Variants in ADGRV1 observed in about 807,000 individuals in gnomAD.
ADGRV1 encodes G-protein coupled receptor 98.
In ADGRV1, 359 loss-of-function variants were observed where a neutral mutation model predicts 596.2. That is an observed-to-expected ratio of 0.60 (90% CI 0.55 to 0.66). The LOEUF (loss-of-function observed/expected upper bound fraction) is 0.66, where lower values mean the gene tolerates loss of function less well. Among genes scored for constraint, ADGRV1 ranks in the 30% least tolerant of loss-of-function variants. ADGRV1 has a pLI of 0.00. For missense variants in ADGRV1, 7,274 were observed against 7,575.6 expected, an observed-to-expected ratio of 0.96 and a Z score of 1.48; for synonymous variants, 2,681 against 2,679.2, an observed-to-expected ratio of 1.00 and a Z score of -0.02.
At chr5:90,792,013 C>T (rs1244800672) in intron 70 of ADGRV1, 2 of 152,092 alleles carry the variant, frequency 1.3e-5, no homozygotes, top group Non-Finnish European at 2.9e-5. Context: ...TCATATCATC[C>T]TCTGTGCATG....
chr5:90,911,618 A>G (rs1772896547), intron 83 of ADGRV1, among the ~76,000 whole-genome samples: 1 of 152,180 alleles, frequency 6.6e-6, no homozygotes, highest in African/African-American at 2.4e-5. Flanking sequence ...ACAAAAGTTG[A>G]CCTTGAAACT....
chr5:91,125,695 G>A (rs935774085), intron 87 of ADGRV1, among the ~76,000 whole-genome samples: 4 of 152,202 alleles, frequency 2.6e-5, no homozygotes, highest in African/African-American at 9.6e-5. Flanking sequence ...AGGAATAAAG[G>A]AGAAGAGTTG....
chr5:90,573,185 A>C (rs1435599018), intron 1 of ADGRV1, among the ~76,000 whole-genome samples: 1 of 152,202 alleles, frequency 6.6e-6, no homozygotes, highest in African/African-American at 2.4e-5. Flanking sequence ...ATTGGTTGGC[A>C]TAATGATTGA....
chr5:90,959,426 T>C (rs1341774103), intron 83 of ADGRV1, among the ~76,000 whole-genome samples: 1 of 152,118 alleles, frequency 6.6e-6, no homozygotes, highest in Non-Finnish European at 1.5e-5. Flanking sequence ...TCTCCCCAGA[T>C]TGAAATTCAG....
At chr5:91,128,644 A>C (rs1273159541) in intron 87 of ADGRV1, among the ~76,000 whole-genome samples, 1 of 152,092 alleles carries the variant, frequency 6.6e-6, no homozygotes, top group Non-Finnish European at 1.5e-5. Context: ...CTCTACCACC[A>C]CCATCCCCAT....
At chr5:90,724,366 AT>A (rs1751485279) in intron 45 of ADGRV1, among the ~76,000 whole-genome samples, 1 of 152,066 alleles carries the variant, frequency 6.6e-6, no homozygotes, top group Admixed American at 6.6e-5. Flanking sequence ...AGTAGCTGGT[AT>A]TACAGGCGCA....
intron 59 of ADGRV1, among the ~76,000 whole-genome samples, chr5:90,767,457 G>T (rs1757261747): frequency 6.6e-6 from 1 of 152,042 alleles, no homozygotes; most frequent in Non-Finnish European, 1.5e-5. Context: ...TATTAAAAGA[G>T]AAAATATTGA....
rs879632598 is a variant in ADGRV1, at chr5:90,818,678, G to T, written c.16196+2942G>T. Reference sequence around the variant, plus strand: ...TCTGCATCTATTGAGATAATCATGTGGTTTTTGTCTTTGGCTCTGTTTATA... The same window carrying T: ...TCTGCATCTATTGAGATAATCATGTTGTTTTTGTCTTTGGCTCTGTTTATA... On this transcript the variant is annotated intron_variant, in intron 75 of 89. Transcript: ENST00000405460. Among the ~76,000 whole-genome samples, 381 of 149,304 alleles carry T rather than the reference G, an allele frequency of 2.6e-3. 2 individuals carry two copies. Among genetic ancestry groups the T allele is most frequent in the Admixed American group, 7.5e-3 (112 of 14,984 alleles).
rs374845054 is a variant in ADGRV1 at position 90,829,146 on chromosome 5, C to G, written c.16571C>G (p.Ser5524Cys). 6.3e-7 allele frequency: 1 copy of G among 1,599,326 alleles called. No homozygotes were observed. The highest frequency in any genetic ancestry group is 8.5e-7 in the Non-Finnish European group (1 of 1,170,414). ...ATCAGTCTGCAGGTGGCCAGAGATT[C>G]TGGGACAGGACTAATGATGTCTGTT... ...TLISLQVARD[S>C]GTGLMMSVNF... Residue 5524 changes from serine to cysteine, a missense_variant, in exon 77 of 90, where the codon TCT becomes TGT. Around this residue, in one of 5 missense-constraint regions of ADGRV1, gnomAD observed 1,874 missense variants for 1,970.2 expected, o/e 0.95. Coordinates refer to ENST00000405460, the MANE Select transcript of ADGRV1 (RefSeq NM_032119.4).
chr5:90,595,359 C>T (rs1760223538), intron 1 of ADGRV1, among the ~76,000 whole-genome samples: 1 of 58,948 alleles, frequency 1.7e-5, no homozygotes, highest in Non-Finnish European at 3.5e-5. Context: ...CACCTCCCTC[C>T]CGGACGGGGC....
At chr5:90,801,107 A>G (rs1467705854) in intron 70 of ADGRV1, among the ~76,000 whole-genome samples, 1 of 152,208 alleles carries the variant, frequency 6.6e-6, no homozygotes, top group Non-Finnish European at 1.5e-5. Context: ...GGCAGTATAG[A>G]AAATGGTATT....
chr5:90,634,181 C>T (rs1332247026), intron 9 of ADGRV1, among the ~76,000 whole-genome samples: 2 of 152,116 alleles, frequency 1.3e-5, no homozygotes, highest in Non-Finnish European at 2.9e-5. Context: ...ACACTGTGTG[C>T]ATTGATTGAG....
At chr5:91,062,780 T>C (rs1787555636) in intron 85 of ADGRV1, among the ~76,000 whole-genome samples, 1 of 152,088 alleles carries the variant, frequency 6.6e-6, no homozygotes, top group African/African-American at 2.4e-5. Context: ...TGTTTTTCTT[T>C]CTTGCTGGTT....
At chr5:91,039,719 G>A (rs6888979) in intron 85 of ADGRV1, among the ~76,000 whole-genome samples, 38,681 of 151,954 alleles carry the variant, frequency 0.25, 5,204 homozygotes, top group Non-Finnish European at 0.28. Context: ...AGACGTGGAA[G>A]GTTAAAACAA....
At chr5:90,869,019 A>G (rs1326178092) in intron 83 of ADGRV1, among the ~76,000 whole-genome samples, 2 of 152,144 alleles carry the variant, frequency 1.3e-5, no homozygotes, top group African/African-American at 4.8e-5. Context: ...GCAATGAGAA[A>G]TACCAAGCAA....
At chr5:91,096,114 G>T (rs1291609513) in intron 86 of ADGRV1, among the ~76,000 whole-genome samples, 1 of 152,174 alleles carries the variant, frequency 6.6e-6, no homozygotes, top group Non-Finnish European at 1.5e-5. Context: ...ACATTGATGG[G>T]TTTGTTTTAG....
At chr5:90,901,546 A>G (rs950475104) in intron 83 of ADGRV1, among the ~76,000 whole-genome samples, 1 of 152,092 alleles carries the variant, frequency 6.6e-6, no homozygotes, top group Non-Finnish European at 1.5e-5. Flanking sequence ...ATAATGATCA[A>G]CCTCTGATTT....
intron 85 of ADGRV1, among the ~76,000 whole-genome samples, chr5:91,001,505 A>G (rs1781854903): frequency 6.6e-6 from 1 of 151,982 alleles, no homozygotes; most frequent in South Asian, 2.1e-4. Flanking sequence ...GAGACCAGGG[A>G]GTTTAGGCAT....
At chr5:90,714,313 CT>C (rs1170676685) in intron 42 of ADGRV1, among the ~76,000 whole-genome samples, 4 of 151,306 alleles carry the variant, frequency 2.6e-5, no homozygotes, top group Non-Finnish European at 5.9e-5. Context: ...TTTCGTATCC[CT>C]TATGTACTTT....
Sources: allele counts gnomAD v4.1 joint callset (sites outside exome capture counted in the v4.1 genomes callset), GRCh38; gene constraint gnomAD v4.1.1; regional missense constraint gnomAD v4.1.1; transcripts MANE v1.5; gene names NCBI Gene and HGNC (gene_info 2026-07-23, HGNC 2026-07-21).